EPHA3: variants seen among roughly 807,000 people sequenced by gnomAD.
EPHA3 encodes the protein EPH receptor A3.
EPHA3 carries 42 observed loss-of-function variants against 107.1 expected under a neutral mutation model. That is an observed-to-expected ratio of 0.39 (90% confidence interval 0.31 to 0.51). The LOEUF (loss-of-function observed/expected upper bound fraction) is 0.51, where lower values mean the gene tolerates loss of function less well. Ranked by LOEUF, EPHA3 falls within the 20% of genes least tolerant of loss-of-function variation. The pLI, the probability that EPHA3 is intolerant of heterozygous loss-of-function variation, is 0.78. For missense variants in EPHA3, 1,183 were observed against 1,211.2 expected, an observed-to-expected ratio of 0.98 and a Z score of 0.35; for synonymous variants, 461 against 424.8, an observed-to-expected ratio of 1.09 and a Z score of -1.05.
intron 15 of EPHA3, among the ~76,000 whole-genome samples, chr3:89,468,952 A>G (rs774835751): frequency 5.9e-5 from 9 of 152,212 alleles, no homozygotes; most frequent in Admixed American, 2.0e-4. Context: ...TTAAAAAATC[A>G]TAAAGTCGTT....
At chr3:89,278,124 A>G (rs546415505) in intron 3 of EPHA3, among the ~76,000 whole-genome samples, 1 of 152,314 alleles carries the variant, frequency 6.6e-6, no homozygotes, top group East Asian at 1.9e-4. Context: ...GAGTCAAAAT[A>G]CTTTTCTTTT....
At chr3:89,449,579 G>T (rs1173734493) in intron 14 of EPHA3, among the ~76,000 whole-genome samples, 3 of 152,146 alleles carry the variant, frequency 2.0e-5, no homozygotes, top group African/African-American at 7.2e-5. Context: ...TCAAGCAAGG[G>T]TTTAGAAATA....
chr3:89,225,223 C>G (rs78933124), intron 3 of EPHA3, among the ~76,000 whole-genome samples: 2,724 of 152,120 alleles, frequency 0.018, 75 homozygotes, highest in African/African-American at 0.06. Flanking sequence ...GCTTCGATGC[C>G]TGTAATGATC....
At chr3:89,396,755 T>C (rs1250937483) in intron 6 of EPHA3, among the ~76,000 whole-genome samples, 3 of 152,238 alleles carry the variant, frequency 2.0e-5, no homozygotes, top group African/African-American at 4.8e-5. Flanking sequence ...TACTTCAGTT[T>C]ATAAAGTGTG....
chr3:89,230,546 G>A (rs1394267999), intron 3 of EPHA3, among the ~76,000 whole-genome samples: 1 of 151,886 alleles, frequency 6.6e-6, no homozygotes, highest in Non-Finnish European at 1.5e-5. Flanking sequence ...ATGGTAACAT[G>A]GTTTTGATCA....
intron 5 of EPHA3, among the ~76,000 whole-genome samples, chr3:89,362,868 A>T (rs1275842734): frequency 6.6e-6 from 1 of 151,004 alleles, no homozygotes; most frequent in Non-Finnish European, 1.5e-5. Flanking sequence ...TCATTGACCA[A>T]GGTTATATTT....
chr3:89,409,327 A>G (rs1426491237), intron 9 of EPHA3, among the ~76,000 whole-genome samples: 1 of 151,994 alleles, frequency 6.6e-6, no homozygotes, highest in African/African-American at 2.4e-5. Context: ...ACAAAACACT[A>G]GTGTTACAAT....
chr3:89,374,695 G>C (rs1708368997), intron 5 of EPHA3, among the ~76,000 whole-genome samples: 2 of 151,604 alleles, frequency 1.3e-5, no homozygotes, highest in South Asian at 4.1e-4. Flanking sequence ...TCTGCTGCTT[G>C]TTTGAGGGCC....
At chr3:89,178,249 TA>T (rs1705361217) in intron 2 of EPHA3, among the ~76,000 whole-genome samples, 1 of 35,416 alleles carries the variant, frequency 2.8e-5, no homozygotes, top group Admixed American at 4.8e-4. Context: ...ATGTAGCCAA[TA>T]GATAGATAGA....
intron 3 of EPHA3, among the ~76,000 whole-genome samples, chr3:89,290,295 C>A (rs570911745): frequency 6.6e-6 from 1 of 152,190 alleles, no homozygotes; most frequent in South Asian, 2.1e-4. Context: ...ATTCAATAAT[C>A]TTTTGAGAAT....
intron 2 of EPHA3, among the ~76,000 whole-genome samples, chr3:89,136,330 C>CGTTTTTTTTTTTTTTTTT (rs1704309463): frequency 4.3e-5 from 1 of 23,370 alleles, no homozygotes; most frequent in Non-Finnish European, 7.8e-5. Flanking sequence ...ATCTTACAGG[C>CGTTTTTTTTTTTTTTTTT]TTTTTTTTTT....
chr3:89,386,362 C>T lies in EPHA3; in HGVS notation c.1307-9475C>T, dbSNP rs1708622536. The stretch of plus-strand genomic sequence containing the variant: ...GTGTGCAGCATTGAGACTTGTTGTC[C>T]TGTGTCCCAGCTGCTCCAGCTGTGG... On this transcript the variant is annotated intron_variant, in intron 5 of 16. Transcript: ENST00000336596. Among the ~76,000 whole-genome samples the T allele has an allele frequency of 2.6e-5, 4 of 152,148 alleles. No individual in the cohort carries two copies. In the South Asian group the frequency reaches 8.3e-4, roughly 32 times the overall value.
At chr3:89,332,500 A>G (rs1258123422) in intron 3 of EPHA3, among the ~76,000 whole-genome samples, 1 of 152,216 alleles carries the variant, frequency 6.6e-6, no homozygotes, top group East Asian at 1.9e-4. Context: ...TCACTTTGTA[A>G]ATGCTGCACA....
At chr3:89,473,032 G>C (rs1206804495) in intron 16 of EPHA3, among the ~76,000 whole-genome samples, 1 of 152,124 alleles carries the variant, frequency 6.6e-6, no homozygotes, top group Non-Finnish European at 1.5e-5. Flanking sequence ...GGAAAATTGA[G>C]AGCCAAGTAG....
chr3:89,278,594 G>C (rs1371330332), intron 3 of EPHA3, among the ~76,000 whole-genome samples: 1 of 152,058 alleles, frequency 6.6e-6, no homozygotes, highest in African/African-American at 2.4e-5. Flanking sequence ...ATGCGCAATG[G>C]CCTATTTTGT....
At chr3:89,193,587 C>A (rs1279473510) in intron 2 of EPHA3, among the ~76,000 whole-genome samples, 1 of 151,836 alleles carries the variant, frequency 6.6e-6, no homozygotes, top group Non-Finnish European at 1.5e-5. Context: ...GGATATTGAA[C>A]ATTTCCAACA....
chr3:89,473,546 T>A (rs1328562871), intron 16 of EPHA3, among the ~76,000 whole-genome samples: 1 of 152,276 alleles, frequency 6.6e-6, no homozygotes, highest in Admixed American at 6.5e-5. Context: ...ACTACATAAT[T>A]TTTTCTTTTT....
At chr3:89,227,805 T>C (rs1417825068) in intron 3 of EPHA3, among the ~76,000 whole-genome samples, 2 of 151,994 alleles carry the variant, frequency 1.3e-5, no homozygotes, top group Non-Finnish European at 2.9e-5. Flanking sequence ...GGCAGTTTAT[T>C]TGTAACGTTC....
intron 3 of EPHA3, among the ~76,000 whole-genome samples, chr3:89,239,480 G>A (rs932102958): frequency 5.3e-5 from 8 of 152,070 alleles, no homozygotes; most frequent in African/African-American, 1.9e-4. Flanking sequence ...ATTATATCTT[G>A]CTGCTGGTGC....
Sources: allele counts gnomAD v4.1 joint callset (sites outside exome capture counted in the v4.1 genomes callset), GRCh38; gene constraint gnomAD v4.1.1; transcripts MANE v1.5; gene names NCBI Gene and HGNC (gene_info 2026-07-23, HGNC 2026-07-21).